Variants in GSPT1 observed in about 807,000 individuals in gnomAD.
GSPT1 encodes the protein G1 to S phase transition 1.
Under a neutral mutation model 72.5 loss-of-function variants are expected in GSPT1, and 20 were observed. The observed-to-expected ratio is 0.28, with a 90% CI of 0.19 to 0.40. The LOEUF (loss-of-function observed/expected upper bound fraction) is 0.40, where lower values mean the gene tolerates loss of function less well. Ranked by LOEUF, GSPT1 falls within the 10% of genes least tolerant of loss-of-function variation. The probability of loss-of-function intolerance (pLI) is 1.00; values close to 1 mark genes in which losing one functional copy is unlikely to be tolerated. For missense variants in GSPT1, 580 were observed against 811.9 expected (o/e 0.71, Z 3.47); for synonymous variants, 334 against 293.5 (o/e 1.14, Z -1.41).
In GSPT1 at chr16:11,877,491, T is replaced by G; in HGVS notation, c.1518A>C (p.Gly506=). The change falls in exon 12 of 15, where the codon GGA becomes GGC. Residue 506 remains glycine, a synonymous_variant. Transcript: ENST00000434724. This position sits in a 1 kb window ranked among gnomAD's most constrained non-coding sequence, Gnocchi z 4.0. ...CTGGAAGAATCTCCTCTTCTTCAAT[T>G]CCTTTCAGTCTGATTTTGAGGTTTT... ...PGENLKIRLK[G]IEEEEILPGF... The G allele has an allele frequency of 6.2e-7, 1 of 1,610,352 alleles. No homozygotes were observed. The highest frequency in any genetic ancestry group is 8.5e-7 in the Non-Finnish European group (1 of 1,176,764).
chr16:11,877,650 ATGTC>A lies in GSPT1; in HGVS notation c.1429-74_1429-71del, dbSNP rs1331265884. 6 of 895,912 alleles carry A rather than the reference ATGTC, an allele frequency of 6.7e-6. No homozygotes were observed. The highest frequency in any genetic ancestry group is 3.4e-5 in the African/African-American group (2 of 58,316). The allele number at this position is 895,912 out of a possible 1,614,324, so 55.5% of individuals were successfully genotyped here. A position where few individuals can be genotyped will look rare whatever the true frequency, so the allele number is the denominator to read the frequency against. Reference sequence around the variant, plus strand: ...CATTACGCAACATAAAATGATCTGAATGTCTGTCTGCTCAATAAAGAGTTGCAAG... The same window carrying A: ...CATTACGCAACATAAAATGATCTGAATGTCTGCTCAATAAAGAGTTGCAAG... On this transcript the variant is annotated intron_variant, in intron 11 of 14. Coordinates refer to ENST00000434724, the MANE Select transcript of GSPT1 (RefSeq NM_002094.4). The surrounding 1 kb of genome is among the most constrained non-coding windows in gnomAD (Gnocchi z 4.0).
chr16:11,915,177 C>T, intron 1 of GSPT1, 192 bp downstream of exon 1: 1 of 1,042,438 alleles, frequency 9.6e-7, no homozygotes, highest in African/African-American at 1.7e-5. Flanking sequence ...CCGCTCCCCG[C>T]CCGGCCACCG....
intron 11 of GSPT1, among the ~76,000 whole-genome samples, chr16:11,879,314 A>T (rs2054090234): frequency 6.6e-6 from 1 of 150,866 alleles, no homozygotes; most frequent in African/African-American, 2.5e-5. Context: ...GAACTGCTTG[A>T]ACCCTGGAGG....
chr16:11,892,520 A>AAAAT (rs2054277037), intron 5 of GSPT1, among the ~76,000 whole-genome samples: 1 of 138,988 alleles, frequency 7.2e-6, no homozygotes, highest in African/African-American at 3.0e-5. Flanking sequence ...AAAACAAAAA[A>AAAAT]AACAAAAAAA....
At chr16:11,912,354 A>C (rs953894549) in intron 1 of GSPT1, among the ~76,000 whole-genome samples, 6 of 151,982 alleles carry the variant, frequency 3.9e-5, no homozygotes, top group African/African-American at 1.4e-4. Flanking sequence ...TCTCAAAAAA[A>C]AAAAAAAACA....
chr16:11,895,060 C>T, intron 4 of GSPT1, 73 bp from the exon 5 acceptor site: 2 of 846,026 alleles, frequency 2.4e-6, no homozygotes, highest in South Asian at 2.9e-5. Flanking sequence ...AACAACAGCA[C>T]CCTTTAACAT....
chr16:11,887,021 GTTTTT>G, intron 7 of GSPT1, 90 bp from the exon 8 acceptor site: 9 of 545,704 alleles, frequency 1.6e-5, no homozygotes, highest in Non-Finnish European at 2.1e-5. Context: ...TATATCACGA[GTTTTT>G]TTTTTTTTTT....
rs146606649 is a variant in GSPT1, at chr16:11,896,832, C to G, written c.437-47G>C. 3.3e-6 allele frequency: 4 copies of G among 1,228,176 alleles called. No individual in the cohort carries two copies. The African/African-American group carries it at 6.0e-5, about 18-fold the overall frequency. 76.1% of individuals were successfully genotyped at this position (1,228,176 alleles called of 1,614,324 possible). On this transcript the variant is annotated intron_variant, in intron 3 of 14. Coordinates refer to ENST00000434724, the MANE Select transcript of GSPT1 (RefSeq NM_002094.4). Reference sequence around the variant, plus strand: ...TAGTATTCTGAAAAAGACTTACAATCTATACTTTAAAATACACTAGCTTTA... The same window carrying G: ...TAGTATTCTGAAAAAGACTTACAATGTATACTTTAAAATACACTAGCTTTA...
At chr16:11,874,049 T>C (rs1055834988) in intron 14 of GSPT1, among the ~76,000 whole-genome samples, 1 of 152,206 alleles carries the variant, frequency 6.6e-6, no homozygotes, top group Non-Finnish European at 1.5e-5. Flanking sequence ...AAGGACCACA[T>C]AATTTATAAT....
At chr16:11,899,922 A>C (rs2054384650) in intron 1 of GSPT1, among the ~76,000 whole-genome samples, 1 of 152,074 alleles carries the variant, frequency 6.6e-6, no homozygotes, top group Non-Finnish European at 1.5e-5. Context: ...ATTGTTGAGG[A>C]GTTTATGGGA....
rs1259590699 is a variant in GSPT1, at chr16:11,886,355, A to T, written c.1253+116T>A. The T allele has an allele frequency of 8.0e-6, 5 of 624,798 alleles. No homozygotes were observed. The East Asian group carries it at 1.4e-4, about 18-fold the overall frequency. 38.7% of individuals were successfully genotyped at this position (624,798 alleles called of 1,614,324 possible). ...CATTTAATATTTTCTTAAATTACTTATAAAGATATATGCTCAAAAGCATAT... is the reference window on the plus strand; with the variant it reads ...CATTTAATATTTTCTTAAATTACTTTTAAAGATATATGCTCAAAAGCATAT... On this transcript the variant is annotated intron_variant, in intron 9 of 14. Coordinates refer to ENST00000434724, the MANE Select transcript of GSPT1 (RefSeq NM_002094.4).
intron 1 of GSPT1, among the ~76,000 whole-genome samples, chr16:11,901,009 A>C (rs2054399142): frequency 6.6e-6 from 1 of 151,982 alleles, no homozygotes; most frequent in African/African-American, 2.4e-5. Flanking sequence ...GAAAAACAAA[A>C]AACAAAAAAC....
At position 11,911,606 on chromosome 16, in the gene GSPT1, G is replaced by A. The variant is rs533527587; in HGVS notation, c.352+3763C>T. On this transcript the variant is annotated intron_variant, in intron 1 of 14. Transcript: ENST00000434724. The stretch of plus-strand genomic sequence containing the variant: ...GTGTCAATGTCGCCCAGGCTAGAGT[G>A]CAGTGGTGTGATCTCGGCTCACTGC... 5.4e-5 allele frequency among the ~76,000 whole-genome samples: 8 copies of A among 148,366 alleles called. No homozygotes were observed. In the East Asian group the frequency reaches 9.8e-4, roughly 18 times the overall value.
At chr16:11,899,763 G>A (rs1260911516) in intron 1 of GSPT1, among the ~76,000 whole-genome samples, 1 of 152,108 alleles carries the variant, frequency 6.6e-6, no homozygotes, top group Admixed American at 6.6e-5. Context: ...CAAGTTCACA[G>A]GCCACCCTAA....
chr16:11,915,153 G>GCGCTGCC (rs2054615407), intron 1 of GSPT1: 1 of 1,034,376 alleles, frequency 9.7e-7, no homozygotes, highest in Admixed American at 5.4e-5. Flanking sequence ...GTCTTTGGGC[G>GCGCTGCC]CGCTGCCCGC....
intron 5 of GSPT1, among the ~76,000 whole-genome samples, chr16:11,893,232 C>T (rs948546077): frequency 2.0e-5 from 3 of 151,952 alleles, no homozygotes; most frequent in Non-Finnish European, 4.4e-5. Flanking sequence ...CTATAAATAG[C>T]CACTACCCTC....
chr16:11,885,116 G>C, intron 10 of GSPT1, 65 bp downstream of exon 10: 1 of 778,992 alleles, frequency 1.3e-6, no homozygotes, highest in Admixed American at 2.3e-5. Flanking sequence ...TTCAAAACTA[G>C]AAACAAAATG....
At chr16:11,886,396 A>T (rs1028724057) in intron 9 of GSPT1, 75 bp downstream of exon 9, 1 of 907,054 alleles carries the variant, frequency 1.1e-6, no homozygotes, top group East Asian at 2.6e-5. Flanking sequence ...CATGTTACTC[A>T]GCATATGTCT....
rs188277625 is a variant in GSPT1 at position 11,893,943 on chromosome 16, C to G, written c.698+1011G>C. ...GTAGAGGTGGGCAGACCACTTGACC[C>G]CAAGAGGTCAAGACCAGCCTGGGCA... is the stretch of plus-strand genomic sequence containing the variant. On this transcript the variant is annotated intron_variant, in intron 5 of 14. Coordinates refer to ENST00000434724, the MANE Select transcript of GSPT1 (RefSeq NM_002094.4). Among the ~76,000 whole-genome samples, 6 of 151,720 alleles carry G rather than the reference C, an allele frequency of 4.0e-5. No homozygotes were observed. In the East Asian group the frequency reaches 1.2e-3, roughly 29 times the overall value.
Sources: allele counts gnomAD v4.1 joint callset (sites outside exome capture counted in the v4.1 genomes callset), GRCh38; gene constraint gnomAD v4.1.1; non-coding constraint Gnocchi (gnomAD v3.1); transcripts MANE v1.5; gene names NCBI Gene and HGNC (gene_info 2026-07-23, HGNC 2026-07-21).